LRRC7: variants seen among roughly 807,000 people sequenced by gnomAD.
The protein encoded by LRRC7 is leucine rich repeat containing 7.
Under a neutral mutation model 175.7 loss-of-function variants are expected in LRRC7, and 23 were observed. The observed-to-expected ratio is 0.13, with a 90% CI of 0.09 to 0.19. The LOEUF (loss-of-function observed/expected upper bound fraction) is 0.19, where lower values mean the gene tolerates loss of function less well. Among genes scored for constraint, LRRC7 ranks in the 10% least tolerant of loss-of-function variants. The pLI is 1.00. For synonymous variants in LRRC7, 685 were observed against 680.9 expected (o/e 1.01, Z -0.09); for missense variants, 1,354 against 1,904.7 (o/e 0.71, Z 5.38).
chr1:69,833,438 G>A (rs946997985), intron 5 of LRRC7, among the ~76,000 whole-genome samples: 2 of 152,106 alleles, frequency 1.3e-5, no homozygotes, highest in Middle Eastern at 3.4e-3. Flanking sequence ...CACCCAGAAG[G>A]TTTCAAAGAT....
At chr1:70,060,785 T>G (rs1661520663) in intron 23 of LRRC7, among the ~76,000 whole-genome samples, 1 of 152,176 alleles carries the variant, frequency 6.6e-6, no homozygotes, top group African/African-American at 2.4e-5. Context: ...AGAGTAAAAT[T>G]GAAATTGAAA....
rs1666603137 is a variant in LRRC7, at chr1:70,130,010, A to T, written c.*8123A>T. On this transcript the variant is annotated 3_prime_UTR_variant, in exon 27 of 27. Transcript: ENST00000651989. ...TCCCTTTCTAAATTATTAAAATCATATGCAGCCTTCAGAGCCCAGCTCAAA... is the reference window on the plus strand; with the variant it reads ...TCCCTTTCTAAATTATTAAAATCATTTGCAGCCTTCAGAGCCCAGCTCAAA... 1 of 152,148 alleles carries T rather than the reference A, an allele frequency of 6.6e-6. No homozygotes were observed. Among genetic ancestry groups the T allele is most frequent in the South Asian group, 2.1e-4 (1 of 4,830 alleles). 9.4% of individuals were successfully genotyped at this position (152,148 alleles called of 1,614,324 possible). A position where few individuals can be genotyped will look rare whatever the true frequency, so the allele number is the denominator to read the frequency against.
intron 1 of LRRC7, among the ~76,000 whole-genome samples, chr1:69,593,507 T>C (rs1646720987): frequency 6.6e-6 from 1 of 152,152 alleles, no homozygotes; most frequent in East Asian, 1.9e-4. Flanking sequence ...AAGATTTGGG[T>C]GTGTAAGATA....
chr1:69,893,884 G>C (rs1293744571), intron 7 of LRRC7, among the ~76,000 whole-genome samples: 1 of 152,144 alleles, frequency 6.6e-6, no homozygotes, highest in Admixed American at 6.5e-5. Flanking sequence ...GCCAAAGAAA[G>C]TCATGTGCAA....
At chr1:69,905,419 C>A (rs1316296760) in intron 7 of LRRC7, among the ~76,000 whole-genome samples, 5 of 152,100 alleles carry the variant, frequency 3.3e-5, no homozygotes, top group African/African-American at 7.2e-5. Context: ...CCCACCACCC[C>A]ACAACAGTCC....
intron 8 of LRRC7, among the ~76,000 whole-genome samples, chr1:69,951,281 A>C (rs1649893833): frequency 6.6e-6 from 1 of 152,040 alleles, no homozygotes; most frequent in Admixed American, 6.6e-5. Flanking sequence ...AAAAAGTCAA[A>C]AAATAACAAG....
chr1:69,771,267 A>G (rs1302239901), intron 3 of LRRC7, among the ~76,000 whole-genome samples: 1 of 152,226 alleles, frequency 6.6e-6, no homozygotes, highest in Non-Finnish European at 1.5e-5. Context: ...GATGAAGGAC[A>G]TGAAGATTAG....
At chr1:69,724,804 A>C (rs1365888189) in intron 2 of LRRC7, among the ~76,000 whole-genome samples, 1 of 152,184 alleles carries the variant, frequency 6.6e-6, no homozygotes, top group Non-Finnish European at 1.5e-5. Flanking sequence ...TTTTTTAAAT[A>C]AAATCATTTC....
intron 1 of LRRC7, among the ~76,000 whole-genome samples, chr1:69,649,909 G>A (rs976265864): frequency 4.0e-5 from 6 of 151,716 alleles, no homozygotes; most frequent in East Asian, 3.9e-4. Flanking sequence ...AATGACAGTC[G>A]CATAAGGATT....
chr1:69,728,155 T>A (rs975344101), intron 2 of LRRC7, among the ~76,000 whole-genome samples: 1 of 152,162 alleles, frequency 6.6e-6, no homozygotes, highest in Non-Finnish European at 1.5e-5. Context: ...ATATTTAAGA[T>A]GTATTAGTGA....
intron 2 of LRRC7, among the ~76,000 whole-genome samples, chr1:69,751,083 G>A (rs146975942): frequency 2.6e-5 from 4 of 152,130 alleles, no homozygotes; most frequent in African/African-American, 9.7e-5. Context: ...GAATGGATGT[G>A]CATTTTAAGA....
intron 2 of LRRC7, among the ~76,000 whole-genome samples, chr1:69,737,413 G>A (rs563108262): frequency 5.9e-5 from 9 of 152,202 alleles, no homozygotes; most frequent in African/African-American, 2.2e-4. Flanking sequence ...ATGATTGTGA[G>A]GCCTCCTAGC....
intron 26 of LRRC7, among the ~76,000 whole-genome samples, chr1:70,115,442 T>C (rs941765731): frequency 1.3e-5 from 2 of 150,846 alleles, no homozygotes. Context: ...TGCCAGGTTT[T>C]TTGTTTTGTT....
intron 2 of LRRC7, among the ~76,000 whole-genome samples, chr1:69,705,468 TA>T (rs1663919725): frequency 6.6e-6 from 1 of 152,152 alleles, no homozygotes; most frequent in South Asian, 2.1e-4. Flanking sequence ...GCCTCTAAAT[TA>T]AACATTTTCT....
At position 70,078,586 on chromosome 1, in the gene LRRC7, C is replaced by A. The variant is rs113405443; in HGVS notation, c.4452+2288C>A. Among the ~76,000 whole-genome samples the A allele has an allele frequency of 8.1e-3, 1,237 of 152,184 alleles. 16 individuals carry two copies. Among genetic ancestry groups the A allele is most frequent in the African/African-American group, 0.028 (1,160 of 41,520 alleles). On this transcript the variant is annotated intron_variant, in intron 24 of 26. Coordinates refer to ENST00000651989, the MANE Select transcript of LRRC7 (RefSeq NM_001370785.2). ...CTAACCTCTCCACTTCTTCATTTAGCTTAGTGTTCAAGAAAGAGATACTAG... is the reference window on the plus strand; with the variant it reads ...CTAACCTCTCCACTTCTTCATTTAGATTAGTGTTCAAGAAAGAGATACTAG...
At chr1:69,798,166 C>T (rs926545143) in intron 4 of LRRC7, among the ~76,000 whole-genome samples, 1 of 152,078 alleles carries the variant, frequency 6.6e-6, no homozygotes, top group African/African-American at 2.4e-5. Flanking sequence ...GTAATCTGCC[C>T]TCCTCGGCCT....
chr1:69,643,099 C>T (rs1272444131), intron 1 of LRRC7, among the ~76,000 whole-genome samples: 1 of 151,964 alleles, frequency 6.6e-6, no homozygotes, highest in Non-Finnish European at 1.5e-5. Flanking sequence ...AGCAGGGGCT[C>T]CTGTGTCCAA....
chr1:69,898,484 T>C (rs1054117955), intron 7 of LRRC7, among the ~76,000 whole-genome samples: 1 of 152,238 alleles, frequency 6.6e-6, no homozygotes, highest in African/African-American at 2.4e-5. Context: ...CAATAATTGA[T>C]AGCAAGACAA....
chr1:69,778,308 A>G (rs928145579), intron 3 of LRRC7, among the ~76,000 whole-genome samples: 2 of 152,220 alleles, frequency 1.3e-5, no homozygotes, highest in Admixed American at 1.3e-4. Flanking sequence ...CCAGGGAAAC[A>G]AAGGTGGAGA....
Sources: gnomAD v4.1 joint callset for allele counts (sites outside exome capture counted in the v4.1 genomes callset) on GRCh38, gnomAD v4.1.1 for gene constraint, MANE v1.5 for transcripts, NCBI Gene and HGNC (gene_info 2026-07-23, HGNC 2026-07-21) for gene names.